CA10: variants seen among roughly 807,000 people sequenced by gnomAD.
CA10 encodes carbonic anhydrase-related protein 10.
In CA10, 14 loss-of-function variants were observed where a neutral mutation model predicts 44.2. The ratio of observed to expected loss-of-function variants is 0.32; its 90% CI spans 0.21 to 0.50. CA10 has a LOEUF of 0.50. CA10 is among the 20% of genes least tolerant of loss of function. CA10 has a pLI of 0.99. For synonymous variants in CA10, 159 were observed against 141.6 expected, an observed-to-expected ratio of 1.12 and a Z score of -0.87; for missense variants, 350 against 409.7, an observed-to-expected ratio of 0.85 and a Z score of 1.26.
At chr17:51,946,601 T>C (rs1482054797) in intron 2 of CA10, among the ~76,000 whole-genome samples, 2 of 152,128 alleles carry the variant, frequency 1.3e-5, no homozygotes, top group African/African-American at 2.4e-5. Flanking sequence ...CATCACACCA[T>C]GTCCCTCACC....
chr17:51,907,006 G>T (rs1981583917), intron 3 of CA10, among the ~76,000 whole-genome samples: 3 of 152,100 alleles, frequency 2.0e-5, no homozygotes, highest in South Asian at 4.1e-4. Flanking sequence ...CAGTTGGAGT[G>T]ATCTTTCAAT....
At chr17:51,884,833 C>T (rs139362766) in intron 3 of CA10, among the ~76,000 whole-genome samples, 11 of 152,288 alleles carry the variant, frequency 7.2e-5, no homozygotes, top group African/African-American at 2.2e-4. Context: ...ATGGTAGTCA[C>T]CAGCAATCCT....
intron 6 of CA10, among the ~76,000 whole-genome samples, chr17:51,645,047 C>T (rs913141710): frequency 4.7e-4 from 72 of 152,204 alleles, no homozygotes; most frequent in African/African-American, 1.6e-3. Context: ...CCACCTGCCT[C>T]GGCCTCCCAA....
intron 2 of CA10, among the ~76,000 whole-genome samples, chr17:52,063,070 T>C (rs2143100448): frequency 6.6e-6 from 1 of 152,320 alleles, no homozygotes; most frequent in African/African-American, 2.4e-5. Flanking sequence ...AGGACATGGG[T>C]CAAAGAAGAT....
At position 51,810,960 on chromosome 17, in the gene CA10, C is replaced by T. The variant is rs115993743; in HGVS notation, c.280-63142G>A. On this transcript the variant is annotated intron_variant, in intron 3 of 8. Coordinates refer to ENST00000451037, the MANE Select transcript of CA10 (RefSeq NM_020178.5). ...GGGCACAGTGGCTTACGCCTGTAAT[C>T]CCAGCATGGCAGATTACCTGAGGTC... is the stretch of plus-strand genomic sequence containing the variant. Among the ~76,000 whole-genome samples, 533 of 152,312 alleles carry T rather than the reference C, an allele frequency of 3.5e-3. 1 individual carries two copies. The highest frequency in any genetic ancestry group is 0.012 in the African/African-American group (516 of 41,572).
At chr17:51,668,683 G>C (rs573554840) in intron 4 of CA10, among the ~76,000 whole-genome samples, 83 of 152,296 alleles carry the variant, frequency 5.4e-4, no homozygotes, top group African/African-American at 1.9e-3. Context: ...CACTTGAGGA[G>C]CCCTTCAGCC....
chr17:51,791,972 C>A (rs1906535383), intron 3 of CA10, among the ~76,000 whole-genome samples: 1 of 152,000 alleles, frequency 6.6e-6, no homozygotes, highest in Non-Finnish European at 1.5e-5. Context: ...AAGCTCTTGA[C>A]AATAGACACT....
At chr17:52,003,471 C>T (rs767593297) in intron 2 of CA10, among the ~76,000 whole-genome samples, 10 of 151,888 alleles carry the variant, frequency 6.6e-5, no homozygotes, top group Non-Finnish European at 1.0e-4. Context: ...ACTGTTTCCC[C>T]GGGCTCCAGC....
At chr17:52,005,418 A>C (rs759142966) in intron 2 of CA10, among the ~76,000 whole-genome samples, 1 of 151,968 alleles carries the variant, frequency 6.6e-6, no homozygotes, top group Non-Finnish European at 1.5e-5. Flanking sequence ...GAAGGTGGGC[A>C]GTCCACCTGG....
intron 2 of CA10, among the ~76,000 whole-genome samples, chr17:52,018,250 C>T (rs375998132): frequency 6.6e-6 from 1 of 152,126 alleles, no homozygotes; most frequent in East Asian, 1.9e-4. Context: ...AAGGGTCATG[C>T]TGCCCTTCAG....
intron 2 of CA10, among the ~76,000 whole-genome samples, chr17:52,024,886 GTGA>G (rs1373767864): frequency 6.6e-6 from 1 of 151,854 alleles, no homozygotes; most frequent in African/African-American, 2.4e-5. Flanking sequence ...ATTGATGATT[GTGA>G]TGATGGTCAT....
At chr17:51,754,796 A>T (rs55991494) in intron 3 of CA10, among the ~76,000 whole-genome samples, 3,314 of 152,180 alleles carry the variant, frequency 0.022, 53 homozygotes, top group Non-Finnish European at 0.035. Context: ...TAACCACTAC[A>T]CTTATTTTCA....
intron 5 of CA10, among the ~76,000 whole-genome samples, chr17:51,649,960 ACCAT>A (rs1221713200): frequency 1.4e-5 from 2 of 139,536 alleles, no homozygotes; most frequent in Non-Finnish European, 1.6e-5. Flanking sequence ...CAATCAACCA[ACCAT>A]CCATCCATCC....
intron 1 of CA10, among the ~76,000 whole-genome samples, chr17:52,114,821 C>G (rs1246665173): frequency 6.6e-6 from 1 of 152,150 alleles, no homozygotes; most frequent in Non-Finnish European, 1.5e-5. Flanking sequence ...CAGGTCCTGG[C>G]TCCAGACTAC....
rs1446312728 is a variant in CA10 at position 52,127,385 on chromosome 17, A to G, written c.61+30341T>C. Among the ~76,000 whole-genome samples the G allele has an allele frequency of 2.6e-5, 4 of 152,032 alleles. No individual in the cohort carries two copies. The East Asian group carries it at 7.7e-4, about 29-fold the overall frequency. On this transcript the variant is annotated intron_variant, in intron 1 of 8. Coordinates refer to ENST00000451037, the MANE Select transcript of CA10 (RefSeq NM_020178.5). ...TGGGCTTTTGGGCTGTTTCTGATGT[A>G]CTATGCTGTATATGGTTCCCAGCAC...
chr17:52,006,291 G>A (rs1985594956), intron 2 of CA10, among the ~76,000 whole-genome samples: 2 of 151,450 alleles, frequency 1.3e-5, no homozygotes, highest in Admixed American at 1.3e-4. Flanking sequence ...AAGAAAATGG[G>A]GTAGAAAATT....
chr17:52,040,467 T>C (rs995182235), intron 2 of CA10, among the ~76,000 whole-genome samples: 1 of 152,078 alleles, frequency 6.6e-6, no homozygotes, highest in Non-Finnish European at 1.5e-5. Flanking sequence ...AAAGAAACTT[T>C]CATTTCAGAC....
intron 3 of CA10, among the ~76,000 whole-genome samples, chr17:51,846,097 G>T (rs530177648): frequency 6.6e-6 from 1 of 152,336 alleles, no homozygotes; most frequent in African/African-American, 2.4e-5. Context: ...ATGGAGCAGA[G>T]AAAATGGAAG....
At chr17:51,822,989 T>C (rs566527845) in intron 3 of CA10, among the ~76,000 whole-genome samples, 1 of 152,318 alleles carries the variant, frequency 6.6e-6, no homozygotes, top group South Asian at 2.1e-4. Flanking sequence ...CTTTTGCTGC[T>C]TAATAATCCA....
Sources: gnomAD v4.1 joint callset for allele counts (sites outside exome capture counted in the v4.1 genomes callset) on GRCh38, gnomAD v4.1.1 for gene constraint, MANE v1.5 for transcripts, NCBI Gene and HGNC (gene_info 2026-07-23, HGNC 2026-07-21) for gene names.